Variants in PLCL2 observed in about 807,000 individuals in gnomAD.
The protein encoded by PLCL2 is phospholipase C like 2, also known as inactive phospholipase C-like protein 2.
Under a neutral mutation model 79.6 loss-of-function variants are expected in PLCL2, and 4 were observed. The observed-to-expected ratio is 0.05, with a 90% CI of 0.02 to 0.11. The LOEUF is 0.11. Ranked by LOEUF, PLCL2 falls within the 10% of genes least tolerant of loss-of-function variation. The pLI, the probability that PLCL2 is intolerant of heterozygous loss-of-function variation, is 1.00. For synonymous variants in PLCL2, 484 were observed against 457.7 expected (o/e 1.06, Z -0.73); for missense variants, 895 against 1,291.0 (o/e 0.69, Z 4.70).
intron 5 of PLCL2, among the ~76,000 whole-genome samples, chr3:17,083,983 G>T (rs938483750): frequency 6.6e-6 from 1 of 152,070 alleles, no homozygotes; most frequent in Non-Finnish European, 1.5e-5. Flanking sequence ...AATACATAGA[G>T]AAAAATCAGT....
intron 4 of PLCL2, among the ~76,000 whole-genome samples, chr3:17,047,283 C>T (rs1310212496): frequency 6.6e-6 from 1 of 152,204 alleles, no homozygotes; most frequent in East Asian, 1.9e-4. Context: ...TGTTAGGTTG[C>T]AGAGGCGCAA....
chr3:17,079,623 A>T (rs746770764), intron 5 of PLCL2, among the ~76,000 whole-genome samples: 12 of 152,214 alleles, frequency 7.9e-5, no homozygotes, highest in Middle Eastern at 3.4e-3. Flanking sequence ...AGTTTCCCCA[A>T]TTCAGACACC....
At chr3:16,919,013 C>T (rs1697061673) in intron 1 of PLCL2, among the ~76,000 whole-genome samples, 1 of 152,124 alleles carries the variant, frequency 6.6e-6, no homozygotes, top group Admixed American at 6.6e-5. Flanking sequence ...AATATATGGA[C>T]ATCATTCTTA....
chr3:17,050,375 G>C (rs2064826959), intron 4 of PLCL2, among the ~76,000 whole-genome samples: 1 of 152,010 alleles, frequency 6.6e-6, no homozygotes, highest in African/African-American at 2.4e-5. Context: ...ACAACAAAAT[G>C]GAGAAATAAC....
At chr3:16,981,111 CAGAGGGAGACCGTGGAAAGAGAGGG>C (rs896623447) in intron 1 of PLCL2, among the ~76,000 whole-genome samples, 1 of 151,820 alleles carries the variant, frequency 6.6e-6, no homozygotes, top group African/African-American at 2.4e-5. Flanking sequence ...GGCTCGGCAT[CAGAGGGAGACCGTGGAAAGAGAGGG>C]AGAGGGAGAC....
intron 1 of PLCL2, among the ~76,000 whole-genome samples, chr3:16,982,992 G>A (rs950033132): frequency 6.6e-6 from 1 of 151,770 alleles, no homozygotes; most frequent in African/African-American, 2.4e-5. Context: ...CTTTTGTTTT[G>A]AATTGTTTTT....
chr3:16,891,932 C>T (rs1184435963), intron 1 of PLCL2, among the ~76,000 whole-genome samples: 1 of 152,200 alleles, frequency 6.6e-6, no homozygotes, highest in Admixed American at 6.5e-5. Context: ...TGAATTATTT[C>T]TCTGTCTTCC....
chr3:17,030,892 C>T (rs2064573959), intron 3 of PLCL2, among the ~76,000 whole-genome samples: 1 of 152,126 alleles, frequency 6.6e-6, no homozygotes, highest in Non-Finnish European at 1.5e-5. Context: ...TCTAAATCAC[C>T]TTCATCCCCT....
At chr3:17,050,150 C>G (rs906148540) in intron 4 of PLCL2, among the ~76,000 whole-genome samples, 2 of 152,110 alleles carry the variant, frequency 1.3e-5, no homozygotes, top group African/African-American at 4.8e-5. Flanking sequence ...TGAAACTGGA[C>G]CCCTATCTCT....
intron 3 of PLCL2, among the ~76,000 whole-genome samples, chr3:17,018,453 G>A (rs898553243): frequency 1.3e-5 from 2 of 152,150 alleles, no homozygotes; most frequent in Non-Finnish European, 2.9e-5. Flanking sequence ...ACCTGTGAGG[G>A]CTCATCTTCC....
chr3:16,971,789 G>C (rs957634469), intron 1 of PLCL2, among the ~76,000 whole-genome samples: 3 of 152,040 alleles, frequency 2.0e-5, no homozygotes, highest in African/African-American at 7.3e-5. Flanking sequence ...GGATTCCTAG[G>C]TATTTTATTC....
intron 1 of PLCL2, among the ~76,000 whole-genome samples, chr3:16,923,167 AG>A (rs1198594673): frequency 6.6e-6 from 1 of 152,184 alleles, no homozygotes; most frequent in Non-Finnish European, 1.5e-5. Context: ...TACAACATCT[AG>A]GGTAGGGGTC....
At chr3:16,923,265 G>A (rs1028816884) in intron 1 of PLCL2, among the ~76,000 whole-genome samples, 1 of 152,328 alleles carries the variant, frequency 6.6e-6, no homozygotes, top group East Asian at 1.9e-4. Flanking sequence ...TGAGAGTGGA[G>A]GTGGGGGCAG....
At chr3:17,065,351 A>G (rs968253506) in intron 4 of PLCL2, among the ~76,000 whole-genome samples, 4 of 152,142 alleles carry the variant, frequency 2.6e-5, no homozygotes, top group African/African-American at 9.7e-5. Context: ...TCAAGTCCCC[A>G]ATCCTTCTCA....
intron 1 of PLCL2, among the ~76,000 whole-genome samples, chr3:16,888,218 C>T (rs1696269429): frequency 6.6e-6 from 1 of 152,188 alleles, no homozygotes; most frequent in Admixed American, 6.5e-5. Flanking sequence ...TGTAGGCTGA[C>T]CCGAATCTTA....
rs369552343 is a variant in PLCL2, at chr3:16,891,720, T to C, written c.327+6354T>C. On this transcript the variant is annotated intron_variant, in intron 1 of 5. Transcript: ENST00000615277. ...GTGCCTCCTTTAACTCTCAAAGGCA[T>C]CTCAGCTTGGACGATAAATAATATG... is the stretch of plus-strand genomic sequence containing the variant. Among the ~76,000 whole-genome samples, 6 of 152,358 alleles carry C rather than the reference T, an allele frequency of 3.9e-5. 1 individual carries two copies.
chr3:17,082,324 A>AT (rs2065171648), intron 5 of PLCL2, among the ~76,000 whole-genome samples: 1 of 147,128 alleles, frequency 6.8e-6, no homozygotes, highest in Non-Finnish European at 1.5e-5. Flanking sequence ...TTTTTTTTGT[A>AT]TTTTTAGTAG....
chr3:17,048,128 G>A (rs190264118), intron 4 of PLCL2, among the ~76,000 whole-genome samples: 7 of 150,126 alleles, frequency 4.7e-5, no homozygotes, highest in African/African-American at 1.7e-4. Flanking sequence ...TGTGCTCCTA[G>A]GAGCTGAGGT....
chr3:17,057,239 A>G (rs1559534490), intron 4 of PLCL2, among the ~76,000 whole-genome samples: 1 of 152,194 alleles, frequency 6.6e-6, no homozygotes, highest in Non-Finnish European at 1.5e-5. Flanking sequence ...CTCAGTACAC[A>G]TTAGCATGCT....
Sources: allele counts gnomAD v4.1 joint callset (sites outside exome capture counted in the v4.1 genomes callset), GRCh38; gene constraint gnomAD v4.1.1; transcripts MANE v1.5; gene names NCBI Gene and HGNC (gene_info 2026-07-23, HGNC 2026-07-21).